TBC1D23: variants seen among roughly 807,000 people sequenced by gnomAD.
TBC1D23 encodes HCV non-structural protein 4A-transactivated protein 1.
In TBC1D23, 55 loss-of-function variants were observed where a neutral mutation model predicts 91.4. That is an observed-to-expected ratio of 0.60 (90% confidence interval 0.48 to 0.75). The LOEUF is 0.75. Among genes scored for constraint, TBC1D23 ranks in the 30% least tolerant of loss-of-function variants. The probability of loss-of-function intolerance (pLI) is 0.00; values close to 1 mark genes in which losing one functional copy is unlikely to be tolerated. For missense variants in TBC1D23, 725 were observed against 836.1 expected (o/e 0.87, Z 1.64); for synonymous variants, 289 against 281.0 (o/e 1.03, Z -0.28).
At chr3:100,299,079 C>T (rs1576175463) in intron 9 of TBC1D23, among the ~76,000 whole-genome samples, 160 bp from the exon 10 acceptor site, 3 of 152,226 alleles carry the variant, frequency 2.0e-5, no homozygotes, top group South Asian at 4.1e-4. Context: ...GTATTTAGGA[C>T]CTTCGGGTTA....
Position 100,302,206 on chromosome 3 carries a change from A to T in TBC1D23, c.1232A>T (p.Tyr411Phe), listed in dbSNP as rs753819252. 5 of 1,613,946 alleles carry T rather than the reference A, an allele frequency of 3.1e-6. No individual in the cohort carries two copies. In the South Asian group the frequency reaches 4.4e-5, roughly 14 times the overall value. Reference protein sequence around the residue: ...MGSGREEEDMYMNMVLAHFLQ... With the variant: ...MGSGREEEDMFMNMVLAHFLQ... ...AGTGGCAGGGAGGAAGAAGACATGT[A>T]TATGAACATGGTCCTGGCACACTTT... The change falls in exon 11 of 19, where the codon TAT (tyrosine) becomes TTT (phenylalanine). Residue 411 changes from tyrosine to phenylalanine, a missense_variant. Physicochemically the swap from Tyr to Phe is conservative, Grantham distance 22. Transcript: ENST00000394144.
chr3:100,302,714 G>A lies in TBC1D23; in HGVS notation c.1263+477G>A, dbSNP rs115331109. 7.1e-3 allele frequency among the ~76,000 whole-genome samples: 1,074 copies of A among 152,252 alleles called. 11 individuals are homozygous for A. The highest frequency in any genetic ancestry group is 0.025 in the African/African-American group (1,028 of 41,546). On this transcript the variant is annotated intron_variant, in intron 11 of 18. Coordinates refer to ENST00000394144, the MANE Select transcript of TBC1D23 (RefSeq NM_001199198.3). ...CAATTTTCCTGCCTTAGCCTCTCGA[G>A]TAGCTGGGCTACAGGCACACGCCAC...
chr3:100,276,311 T>C (rs2067648425), intron 1 of TBC1D23, among the ~76,000 whole-genome samples: 1 of 151,834 alleles, frequency 6.6e-6, no homozygotes, highest in African/African-American at 2.4e-5. Context: ...AGGAATATAA[T>C]ATATAATTCC....
At chr3:100,315,612 T>C (rs1705729817) in intron 15 of TBC1D23, among the ~76,000 whole-genome samples, 2 of 152,222 alleles carry the variant, frequency 1.3e-5, no homozygotes. Context: ...CATATTGGAA[T>C]TTGAATATTT....
chr3:100,306,674 T>C, intron 13 of TBC1D23, 131 bp downstream of exon 13: 1 of 554,738 alleles, frequency 1.8e-6, no homozygotes, highest in Non-Finnish European at 3.3e-6. Flanking sequence ...AGTCATATTA[T>C]TGTGAGATTA....
At chr3:100,307,734 TTAAA>T (rs1705538369) in intron 13 of TBC1D23, among the ~76,000 whole-genome samples, 2 of 152,368 alleles carry the variant, frequency 1.3e-5, no homozygotes, top group South Asian at 2.1e-4. Context: ...TATTTTCACT[TTAAA>T]TAACTAAATA....
intron 4 of TBC1D23, among the ~76,000 whole-genome samples, chr3:100,287,664 T>C (rs1224885506): frequency 2.6e-5 from 4 of 152,218 alleles, no homozygotes; most frequent in Non-Finnish European, 4.4e-5. Context: ...TCTATAAAAC[T>C]TCCTTCCACC....
rs76139158 is a variant in TBC1D23, at chr3:100,293,603, A to G, written c.601-1484A>G. Among the ~76,000 whole-genome samples, 786 of 152,306 alleles carry G rather than the reference A, an allele frequency of 5.2e-3. 12 individuals are homozygous for G. The highest frequency in any genetic ancestry group is 0.017 in the African/African-American group (719 of 41,550). ...GACTGTGTATTGCTATTCTGTTTGT[A>G]TGTACCTCTTCTAATCTGTGTTTGT... On this transcript the variant is annotated intron_variant, in intron 5 of 18. Transcript: ENST00000394144.
intron 1 of TBC1D23, among the ~76,000 whole-genome samples, chr3:100,274,979 T>A (rs1455621357): frequency 6.7e-6 from 1 of 149,692 alleles, no homozygotes; most frequent in Non-Finnish European, 1.5e-5. Context: ...TGGATAATGC[T>A]GCTGTGAACA....
intron 12 of TBC1D23, among the ~76,000 whole-genome samples, chr3:100,305,226 TA>T (rs1441048849): frequency 6.6e-6 from 1 of 152,178 alleles, no homozygotes; most frequent in Admixed American, 6.5e-5. Flanking sequence ...GAATACTTTT[TA>T]TAGTATACCC....
At chr3:100,275,402 C>A (rs1315135599) in intron 1 of TBC1D23, among the ~76,000 whole-genome samples, 3 of 152,124 alleles carry the variant, frequency 2.0e-5, no homozygotes, top group African/African-American at 7.2e-5. Context: ...ATCCTCCTGC[C>A]TCAGCCTGTT....
intron 1 of TBC1D23, among the ~76,000 whole-genome samples, chr3:100,262,038 A>T (rs1007884624): frequency 1.3e-5 from 2 of 152,208 alleles, no homozygotes; most frequent in African/African-American, 4.8e-5. Flanking sequence ...CAGAGGAAAA[A>T]AATGGAAATC....
chr3:100,299,321 A>T lies in TBC1D23; in HGVS notation c.1082A>T (p.Asp361Val). ...CATTTATCAACTGCTTTCCACTTAG[A>T]TTCAGACCTGGTTAGTATAAATGCT... ...AGHLSTAFHL[D>V]SDLMLQNPSE... The change falls in exon 10 of 19, where the codon GAT becomes GTT. Residue 361 changes from aspartate (D) to valine (V), a missense_variant. Coordinates refer to ENST00000394144, the MANE Select transcript of TBC1D23 (RefSeq NM_001199198.3). 1 of 1,602,718 alleles carries T rather than the reference A, an allele frequency of 6.2e-7. No individual in the cohort carries two copies. The highest frequency in any genetic ancestry group is 8.5e-7 in the Non-Finnish European group (1 of 1,170,106).
chr3:100,265,046 A>G (rs1292736899), intron 1 of TBC1D23, among the ~76,000 whole-genome samples: 1 of 152,228 alleles, frequency 6.6e-6, no homozygotes, highest in East Asian at 1.9e-4. Flanking sequence ...TGAGTAGGTC[A>G]GAGGAATTTG....
At chr3:100,292,913 C>G (rs895171018) in intron 5 of TBC1D23, among the ~76,000 whole-genome samples, 1 of 152,082 alleles carries the variant, frequency 6.6e-6, no homozygotes, top group South Asian at 2.1e-4. Flanking sequence ...AAAACTGTAG[C>G]TTCTCTGAGA....
At chr3:100,294,041 T>TAA (rs2067816693) in intron 5 of TBC1D23, among the ~76,000 whole-genome samples, 1 of 152,224 alleles carries the variant, frequency 6.6e-6, no homozygotes, top group Non-Finnish European at 1.5e-5. Context: ...AAGAGTGCAC[T>TAA]AAATATATGT....
In TBC1D23 at chr3:100,261,484, C is replaced by T. The variant is rs543607926; in HGVS notation, c.53+413C>T. ...TGAAGAAAAGACGTTTTGAAATGAC[C>T]ACTGCGACCTTCGCCTGAGGGTTCA... is the stretch of plus-strand genomic sequence containing the variant. On this transcript the variant is annotated intron_variant, in intron 1 of 18. Transcript: ENST00000394144. 2.8e-5 allele frequency: 5 copies of T among 175,474 alleles called. No homozygotes were observed. In the South Asian group the frequency reaches 6.8e-4, roughly 24 times the overall value. 10.9% of individuals were successfully genotyped at this position (175,474 alleles called of 1,614,324 possible).
intron 13 of TBC1D23, among the ~76,000 whole-genome samples, chr3:100,309,574 A>G (rs1010308534): frequency 1.3e-5 from 2 of 148,480 alleles, no homozygotes; most frequent in Admixed American, 1.3e-4. Context: ...ACGCACATAT[A>G]TGTGCAAGTA....
chr3:100,296,424 G>A, intron 8 of TBC1D23, 149 bp downstream of exon 8: 3 of 520,982 alleles, frequency 5.8e-6, no homozygotes, highest in Non-Finnish European at 1.0e-5. Context: ...TTTCATCTCT[G>A]TAAATACCCT....
Sources: gnomAD v4.1 joint callset for allele counts (sites outside exome capture counted in the v4.1 genomes callset) on GRCh38, gnomAD v4.1.1 for gene constraint, MANE v1.5 for transcripts, NCBI Gene and HGNC (gene_info 2026-07-23, HGNC 2026-07-21) for gene names.